Variants in RORA observed in about 807,000 individuals in gnomAD.
The protein encoded by RORA is RAR related orphan receptor A.
In RORA, 7 loss-of-function variants were observed where a neutral mutation model predicts 69.5. The ratio of observed to expected loss-of-function variants is 0.10; its 90% CI spans 0.06 to 0.19. The LOEUF (loss-of-function observed/expected upper bound fraction) is 0.19, where lower values mean the gene tolerates loss of function less well. Among genes scored for constraint, RORA ranks in the 10% least tolerant of loss-of-function variants. RORA has a pLI of 1.00. For missense variants in RORA, 457 were observed against 663.0 expected, an observed-to-expected ratio of 0.69 and a Z score of 3.41; for synonymous variants, 261 against 240.8, an observed-to-expected ratio of 1.08 and a Z score of -0.78.
At chr15:60,911,675 G>C (rs1002007933) in intron 1 of RORA, among the ~76,000 whole-genome samples, 1 of 150,390 alleles carries the variant, frequency 6.6e-6, no homozygotes, top group Non-Finnish European at 1.5e-5. Flanking sequence ...AGGGCTAAAA[G>C]AGAAAAGTGT....
intron 2 of RORA, among the ~76,000 whole-genome samples, chr15:60,622,935 C>T (rs549432169): frequency 1.6e-4 from 25 of 152,140 alleles, no homozygotes; most frequent in African/African-American, 4.8e-5. Flanking sequence ...AGGCTGGTCT[C>T]GAACTCCTGA....
chr15:61,050,310 G>A (rs1418331220), intron 1 of RORA, among the ~76,000 whole-genome samples: 2 of 152,206 alleles, frequency 1.3e-5, no homozygotes, highest in South Asian at 2.1e-4. Flanking sequence ...TACGGAAAAC[G>A]TGTACAAACT....
intron 2 of RORA, chr15:60,593,215 A>G (rs2068591299): frequency 9.3e-6 from 2 of 215,548 alleles, no homozygotes; most frequent in South Asian, 5.0e-5. Flanking sequence ...GTCCTGGTCT[A>G]CACCTGTCCC....
At chr15:60,942,818 G>A (rs1011754526) in intron 1 of RORA, among the ~76,000 whole-genome samples, 5 of 152,152 alleles carry the variant, frequency 3.3e-5, no homozygotes, top group Non-Finnish European at 2.9e-5. Flanking sequence ...CAGGCAACTG[G>A]GCATAAGGAG....
intron 1 of RORA, among the ~76,000 whole-genome samples, chr15:60,742,340 A>G (rs8028358): frequency 0.028 from 4,265 of 152,296 alleles, 140 homozygotes; most frequent in African/African-American, 0.074. Context: ...CACAAACCCC[A>G]CTACACACAG....
Position 60,494,874 on chromosome 15 carries a change from A to G in RORA, c.*2581T>C, listed in dbSNP as rs2065128723. 1 of 152,208 alleles carries G rather than the reference A, an allele frequency of 6.6e-6. No individual in the cohort carries two copies. Among genetic ancestry groups the G allele is most frequent in the Non-Finnish European group, 1.5e-5 (1 of 68,032 alleles). The allele number at this position is 152,208 out of a possible 1,614,324, so 9.4% of individuals were successfully genotyped here. On this transcript the variant is annotated 3_prime_UTR_variant, in exon 11 of 11. Transcript: ENST00000335670. Reference sequence around the variant, plus strand: ...TGCAGAATCCCTTCTGGGAAAAGGAATTTCTTTTTAAGTTCATCATTATGT... The same window carrying G: ...TGCAGAATCCCTTCTGGGAAAAGGAGTTTCTTTTTAAGTTCATCATTATGT...
chr15:60,628,793 A>T (rs996671764), intron 2 of RORA, among the ~76,000 whole-genome samples: 2 of 152,212 alleles, frequency 1.3e-5, no homozygotes, highest in African/African-American at 4.8e-5. Context: ...ATAATAAAAG[A>T]CGGTATGCAC....
At chr15:61,156,080 A>G (rs1451664221) in intron 1 of RORA, among the ~76,000 whole-genome samples, 2 of 152,168 alleles carry the variant, frequency 1.3e-5, no homozygotes, top group Non-Finnish European at 2.9e-5. Context: ...CAGAAGAAAA[A>G]AAAAATCTCA....
chr15:60,920,988 A>G (rs1312756945), intron 1 of RORA, among the ~76,000 whole-genome samples: 1 of 152,214 alleles, frequency 6.6e-6, no homozygotes, highest in African/African-American at 2.4e-5. Flanking sequence ...CCAGAATATC[A>G]AGGCCTAAAT....
chr15:60,940,773 A>T (rs1892670710), intron 1 of RORA, among the ~76,000 whole-genome samples: 1 of 152,150 alleles, frequency 6.6e-6, no homozygotes, highest in Non-Finnish European at 1.5e-5. Flanking sequence ...TAAAATACAA[A>T]AAAATTAGCC....
intron 1 of RORA, among the ~76,000 whole-genome samples, chr15:61,116,761 A>AT (rs5813072): frequency 5.3e-5 from 8 of 151,600 alleles, no homozygotes; most frequent in Admixed American, 2.6e-4. Context: ...AGCTGAGAGA[A>AT]TTTTTTTTTC....
intron 1 of RORA, among the ~76,000 whole-genome samples, chr15:60,805,524 CTTG>C (rs1406164998): frequency 6.6e-6 from 1 of 152,172 alleles, no homozygotes; most frequent in African/African-American, 2.4e-5. Flanking sequence ...CTTCTCTGAT[CTTG>C]TTGTCCTATA....
At chr15:60,988,893 C>CAAAG (rs144489766) in intron 1 of RORA, among the ~76,000 whole-genome samples, 2 of 151,780 alleles carry the variant, frequency 1.3e-5, no homozygotes, top group Non-Finnish European at 2.9e-5. Flanking sequence ...TCTTTTACAC[C>CAAAG]GAAGGAAAGA....
chr15:61,225,289 T>C (rs2080135597), intron 1 of RORA, among the ~76,000 whole-genome samples: 1 of 152,184 alleles, frequency 6.6e-6, no homozygotes, highest in Non-Finnish European at 1.5e-5. Flanking sequence ...CTATGGGGCA[T>C]CATTTGTTCA....
intron 1 of RORA, among the ~76,000 whole-genome samples, chr15:60,803,875 A>G (rs1329704403): frequency 6.6e-6 from 1 of 152,214 alleles, no homozygotes; most frequent in Non-Finnish European, 1.5e-5. Context: ...CACATTCGGC[A>G]GGGAAATCTC....
chr15:60,792,919 C>T (rs150926433), intron 1 of RORA, among the ~76,000 whole-genome samples: 15 of 152,122 alleles, frequency 9.9e-5, no homozygotes, highest in African/African-American at 3.6e-4. Flanking sequence ...TATAATCATA[C>T]TTTGCCCTAT....
At position 61,131,037 on chromosome 15, in the gene RORA, G is replaced by A. The variant is rs748045534; in HGVS notation, c.166+98016C>T. ...ATGCATATAAATAACTTCAGTACACGTGTACAGTTCAGACGATGCACCTAC... is the reference window on the plus strand; with the variant it reads ...ATGCATATAAATAACTTCAGTACACATGTACAGTTCAGACGATGCACCTAC... On this transcript the variant is annotated intron_variant, in intron 1 of 10. Transcript: ENST00000335670. The surrounding 1 kb of genome is among the most constrained non-coding windows in gnomAD (Gnocchi z 4.2). Among the ~76,000 whole-genome samples the A allele has an allele frequency of 1.3e-5, 2 of 152,134 alleles. No individual in the cohort carries two copies. The highest frequency in any genetic ancestry group is 2.4e-5 in the African/African-American group (1 of 41,430).
intron 1 of RORA, among the ~76,000 whole-genome samples, chr15:60,686,352 A>G (rs2070748435): frequency 6.6e-6 from 1 of 152,230 alleles, no homozygotes; most frequent in African/African-American, 2.4e-5. Context: ...AAAAGTCCAT[A>G]TGTAAGGAGG....
At chr15:60,633,515 C>T (rs1004555933) in intron 2 of RORA, among the ~76,000 whole-genome samples, 1 of 152,150 alleles carries the variant, frequency 6.6e-6, no homozygotes, top group Admixed American at 6.5e-5. Context: ...TAATGTGACG[C>T]TGAACTTAAA....
Sources: gnomAD v4.1 joint callset for allele counts (sites outside exome capture counted in the v4.1 genomes callset) on GRCh38, gnomAD v4.1.1 for gene constraint, Gnocchi (gnomAD v3.1) non-coding constraint, MANE v1.5 for transcripts, NCBI Gene and HGNC (gene_info 2026-07-23, HGNC 2026-07-21) for gene names.